The following NAV3 variants were observed in gnomAD, a reference collection of about 807,000 sequenced individuals.
The protein encoded by NAV3 is pore membrane and/or filament interacting like protein 1.
In NAV3, 87 loss-of-function variants were observed where a neutral mutation model predicts 244.7. The observed-to-expected ratio is 0.36, with a 90% CI of 0.30 to 0.42. The LOEUF is 0.42. Among genes scored for constraint, NAV3 ranks in the 20% least tolerant of loss-of-function variants. The pLI, the probability that NAV3 is intolerant of heterozygous loss-of-function variation, is 1.00. For synonymous variants in NAV3, 1,126 were observed against 1,042.2 expected, an observed-to-expected ratio of 1.08 and a Z score of -1.55; for missense variants, 2,663 against 2,893.3, an observed-to-expected ratio of 0.92 and a Z score of 1.83.
chr12:77,629,335 A>C (rs895738904), intron 2 of NAV3, among the ~76,000 whole-genome samples: 8 of 152,238 alleles, frequency 5.3e-5, no homozygotes, highest in African/African-American at 1.9e-4. Context: ...AGAATGCTGA[A>C]TTAATTATAC....
intron 1 of NAV3, among the ~76,000 whole-genome samples, chr12:77,881,373 C>T (rs1882625033): frequency 6.6e-6 from 1 of 152,090 alleles, no homozygotes; most frequent in Admixed American, 6.6e-5. Context: ...CTGAACTTTT[C>T]CTTGAACTGT....
At chr12:77,755,152 T>TC (rs1162349565) in intron 2 of NAV3, among the ~76,000 whole-genome samples, 3 of 152,186 alleles carry the variant, frequency 2.0e-5, no homozygotes, top group Non-Finnish European at 4.4e-5. Flanking sequence ...ATATTTCTAG[T>TC]CTTTTCATTT....
chr12:77,709,301 C>G (rs1875990295), intron 2 of NAV3, among the ~76,000 whole-genome samples: 2 of 152,142 alleles, frequency 1.3e-5, no homozygotes, highest in South Asian at 4.1e-4. Context: ...TGGGACGTAT[C>G]TCAAAATAAT....
chr12:78,011,722 A>G (rs1028654522), intron 8 of NAV3, among the ~76,000 whole-genome samples: 1 of 152,162 alleles, frequency 6.6e-6, no homozygotes, highest in African/African-American at 2.4e-5. Context: ...TGAATGAGAG[A>G]CTATATTAGT....
Position 77,940,441 on chromosome 12 carries a change from G to A in NAV3, c.361+5G>A, listed in dbSNP as rs1227587235. 2 of 1,602,988 alleles carry A rather than the reference G, an allele frequency of 1.2e-6. No individual in the cohort carries two copies. Among genetic ancestry groups the A allele is most frequent in the South Asian group, 1.1e-5 (1 of 90,466 alleles). On this transcript the variant is annotated splice_donor_5th_base_variant and intron_variant, in intron 2 of 39. Transcript: ENST00000397909. ...CAGAAATCATCCAGATTATTGGTAA[G>A]CCCTTCCTTCTGAAAGAAAGCATGA...
intron 11 of NAV3, 35 bp from the exon 12 acceptor site, chr12:78,058,961 A>G (rs1057147772): frequency 1.9e-6 from 3 of 1,553,020 alleles, no homozygotes; most frequent in Admixed American, 2.0e-5. Flanking sequence ...GAGTTGATTT[A>G]GTTTTCTGTG....
chr12:77,841,671 G>A (rs1875674017), intron 1 of NAV3, among the ~76,000 whole-genome samples: 1 of 152,150 alleles, frequency 6.6e-6, no homozygotes, highest in African/African-American at 2.4e-5. Flanking sequence ...TCCTATAATG[G>A]CAGAGATGAG....
chr12:77,626,701 C>A (rs1353519082), intron 2 of NAV3, among the ~76,000 whole-genome samples: 1 of 152,092 alleles, frequency 6.6e-6, no homozygotes, highest in Non-Finnish European at 1.5e-5. Flanking sequence ...CTATTCCCAG[C>A]AATGCTATCC....
At chr12:78,192,449 A>T (rs1321189658) in intron 34 of NAV3, among the ~76,000 whole-genome samples, 6 of 150,974 alleles carry the variant, frequency 4.0e-5, no homozygotes, top group Non-Finnish European at 8.8e-5. Context: ...TCTGTTGCCC[A>T]AGCTGGAGTA....
intron 1 of NAV3, among the ~76,000 whole-genome samples, chr12:77,938,586 C>T (rs949864882): frequency 6.6e-6 from 1 of 152,102 alleles, no homozygotes; most frequent in Non-Finnish European, 1.5e-5. Flanking sequence ...TAGAAAGGAA[C>T]ACTTTTTCTT....
Position 78,062,628 on chromosome 12 carries a change from G to A in NAV3, c.2636+3513G>A, listed in dbSNP as rs141885757. On this transcript the variant is annotated intron_variant, in intron 12 of 39. Coordinates refer to ENST00000397909, the MANE Select transcript of NAV3 (RefSeq NM_001024383.2). The stretch of plus-strand genomic sequence containing the variant: ...TGATAATAATTAACTTGTTCCTGTA[G>A]CATTTTAAGAAATGTTGATTTAGTT... 4.3e-3 allele frequency among the ~76,000 whole-genome samples: 658 copies of A among 151,972 alleles called. 4 individuals carry two copies. Among genetic ancestry groups the A allele is most frequent in the African/African-American group, 0.015 (639 of 41,476 alleles).
intron 2 of NAV3, among the ~76,000 whole-genome samples, chr12:77,814,774 G>A (rs182404767): frequency 6.6e-6 from 1 of 152,284 alleles, no homozygotes; most frequent in Non-Finnish European, 1.5e-5. Flanking sequence ...TTCAGACTGT[G>A]TCTAAGCTTT....
intron 28 of NAV3, 69 bp from the exon 29 acceptor site, chr12:78,179,460 A>C (rs1170533826): frequency 6.3e-7 from 1 of 1,583,504 alleles, no homozygotes; most frequent in African/African-American, 1.4e-5. Context: ...GCAGCCTTTA[A>C]AAGAGGCAGT....
chr12:77,994,670 A>G (rs930302464), intron 5 of NAV3, 133 bp from the exon 6 acceptor site: 1 of 611,840 alleles, frequency 1.6e-6, no homozygotes, highest in Non-Finnish European at 2.8e-6. Context: ...TTTTCTAATT[A>G]ATTTGTTCTT....
At chr12:77,833,845 C>T (rs527680462) in intron 1 of NAV3, among the ~76,000 whole-genome samples, 1 of 152,134 alleles carries the variant, frequency 6.6e-6, no homozygotes, top group Non-Finnish European at 1.5e-5. Context: ...CGCCCAGCAG[C>T]CAGACTCTCC....
At chr12:78,143,155 T>C (rs1278048565) in intron 20 of NAV3, among the ~76,000 whole-genome samples, 1 of 152,122 alleles carries the variant, frequency 6.6e-6, no homozygotes, top group African/African-American at 2.4e-5. Context: ...ATCAAGAAAT[T>C]ATCGCGTGAC....
chr12:77,975,202 A>G lies in NAV3; in HGVS notation c.671+6500A>G, dbSNP rs536570590. 3.9e-5 allele frequency among the ~76,000 whole-genome samples: 6 copies of G among 152,296 alleles called. No individual in the cohort carries two copies. The East Asian group carries it at 9.6e-4, about 24-fold the overall frequency. ...TAGAATGCTCCTACCACTAGTTTCTATTCATCAATTTGACCATTTTCATTG... is the reference window on the plus strand; with the variant it reads ...TAGAATGCTCCTACCACTAGTTTCTGTTCATCAATTTGACCATTTTCATTG... On this transcript the variant is annotated intron_variant, in intron 5 of 39. Coordinates refer to ENST00000397909, the MANE Select transcript of NAV3 (RefSeq NM_001024383.2).
chr12:77,678,028 C>T lies in NAV3; in HGVS notation c.72+105762C>T, dbSNP rs528910318. On this transcript the variant is annotated intron_variant, in intron 2 of 8. Transcript: ENST00000550042. The stretch of plus-strand genomic sequence containing the variant: ...GATTTTCTAAAGGACAGATAGCAGG[C>T]TCTGATGTTACGCCTTGTTAGCACT... Among the ~76,000 whole-genome samples, 3 of 152,148 alleles carry T rather than the reference C, an allele frequency of 2.0e-5. No individual in the cohort carries two copies. The South Asian group carries it at 6.2e-4, about 32-fold the overall frequency.
chr12:78,203,013 T>C (rs1357082726), intron 38 of NAV3, among the ~76,000 whole-genome samples: 1 of 152,070 alleles, frequency 6.6e-6, no homozygotes, highest in Non-Finnish European at 1.5e-5. Flanking sequence ...ATTTTTTTGG[T>C]GAAAAACCTT....
Sources: gnomAD v4.1 joint callset for allele counts (sites outside exome capture counted in the v4.1 genomes callset) on GRCh38, gnomAD v4.1.1 for gene constraint, MANE v1.5 for transcripts, NCBI Gene and HGNC (gene_info 2026-07-23, HGNC 2026-07-21) for gene names.